The following TAS2R1 variants were observed in gnomAD, a reference collection of about 807,000 sequenced individuals.
TAS2R1 encodes taste 2 receptor member 1, also known as taste receptor type 2 member 1.
For missense variants in TAS2R1, 370 were observed against 353.4 expected, an observed-to-expected ratio of 1.05 and a Z score of -0.38; for synonymous variants, 141 against 134.2, an observed-to-expected ratio of 1.05 and a Z score of -0.35.
Position 9,628,922 on chromosome 5 carries a change from T to C in TAS2R1, c.*211A>G. On this transcript the variant is annotated 3_prime_UTR_variant, in exon 1 of 1. Coordinates refer to ENST00000382492, the MANE Select transcript of TAS2R1 (RefSeq NM_019599.3). ...ATCACTACCAGGATATTGAAATTGA[T>C]GTAATCCATCAACATATGTTGTGCT... 2.3e-6 allele frequency: 1 copy of C among 443,344 alleles called. No individual in the cohort carries two copies. The highest frequency in any genetic ancestry group is 5.8e-4 in the Middle Eastern group (1 of 1,738). 27.5% of individuals were successfully genotyped at this position (443,344 alleles called of 1,614,324 possible).
At chr5:9,653,889 A>G (rs1288994499) in intron 2 of TAS2R1, among the ~76,000 whole-genome samples, 2 of 152,170 alleles carry the variant, frequency 1.3e-5, no homozygotes, top group African/African-American at 4.8e-5. Context: ...CTTTTTGGTT[A>G]CAAGTGATTT....
At chr5:9,666,590 T>C (rs1024843199) in intron 1 of TAS2R1, among the ~76,000 whole-genome samples, 1 of 152,088 alleles carries the variant, frequency 6.6e-6, no homozygotes, top group African/African-American at 2.4e-5. Flanking sequence ...AGTAAAATCA[T>C]AGCAGTGAGT....
the TAS2R1 span, among the ~76,000 whole-genome samples, chr5:9,736,915 G>T: frequency 6.6e-6 from 1 of 152,148 alleles, no homozygotes; most frequent in Non-Finnish European, 1.5e-5. Flanking sequence ...GTCATAGTTA[G>T]AAATGCCCCC....
At chr5:9,903,146 T>C in the TAS2R1 span, among the ~76,000 whole-genome samples, 3 of 152,012 alleles carry the variant, frequency 2.0e-5, no homozygotes, top group Non-Finnish European at 4.4e-5. Context: ...CTATTGACTA[T>C]AGCCACCTTG....
the TAS2R1 span, among the ~76,000 whole-genome samples, chr5:9,895,997 T>C: frequency 6.6e-6 from 1 of 152,206 alleles, no homozygotes; most frequent in Admixed American, 6.5e-5. Context: ...CTCTAAAATT[T>C]CTATGATGAA....
intron 1 of TAS2R1, among the ~76,000 whole-genome samples, chr5:9,710,757 C>T (rs1261588798): frequency 1.3e-5 from 2 of 151,374 alleles, no homozygotes; most frequent in Non-Finnish European, 2.9e-5. Flanking sequence ...CCAAAGAATA[C>T]ATACAAATGG....
chr5:9,660,197 T>C (rs959908865), intron 1 of TAS2R1, among the ~76,000 whole-genome samples: 2 of 149,232 alleles, frequency 1.3e-5, no homozygotes, highest in African/African-American at 4.9e-5. Flanking sequence ...TAGCTGGGAC[T>C]ACAGGAGCCC....
chr5:9,865,614 C>A, the TAS2R1 span, among the ~76,000 whole-genome samples: 1 of 152,146 alleles, frequency 6.6e-6, no homozygotes. Flanking sequence ...TTTGACTTTT[C>A]TGAAAGTATT....
chr5:9,901,063 C>G, the TAS2R1 span, among the ~76,000 whole-genome samples: 3 of 152,094 alleles, frequency 2.0e-5, no homozygotes, highest in Non-Finnish European at 4.4e-5. Flanking sequence ...CCTTCACTCA[C>G]TCAGTAAATA....
At chr5:9,759,019 C>A in the TAS2R1 span, among the ~76,000 whole-genome samples, 3 of 152,160 alleles carry the variant, frequency 2.0e-5, no homozygotes, top group East Asian at 5.8e-4. Flanking sequence ...GCACAGCTTC[C>A]TTAAGTCATA....
At chr5:9,890,645 G>A in the TAS2R1 span, among the ~76,000 whole-genome samples, 1 of 152,180 alleles carries the variant, frequency 6.6e-6, no homozygotes, top group Non-Finnish European at 1.5e-5. Context: ...CAAGACTGAA[G>A]CTCTACAAAG....
chr5:9,872,387 A>C, the TAS2R1 span, among the ~76,000 whole-genome samples: 4 of 152,204 alleles, frequency 2.6e-5, no homozygotes, highest in Non-Finnish European at 5.9e-5. Flanking sequence ...ACAGCTTCTA[A>C]TTTTTATAAT....
At chr5:9,737,619 G>C in the TAS2R1 span, among the ~76,000 whole-genome samples, 1 of 152,124 alleles carries the variant, frequency 6.6e-6, no homozygotes, top group African/African-American at 2.4e-5. Context: ...CAAGGAGAGC[G>C]AGGAGCTGCC....
At chr5:9,821,072 G>C in the TAS2R1 span, among the ~76,000 whole-genome samples, 1 of 152,214 alleles carries the variant, frequency 6.6e-6, no homozygotes, top group African/African-American at 2.4e-5. Context: ...GGGAGAAAGA[G>C]AGAGACCCTT....
chr5:9,701,566 C>T (rs1318822538), intron 1 of TAS2R1, among the ~76,000 whole-genome samples: 1 of 152,116 alleles, frequency 6.6e-6, no homozygotes, highest in Non-Finnish European at 1.5e-5. Context: ...CAAGAACCAC[C>T]ATCAATAGAC....
the TAS2R1 span, among the ~76,000 whole-genome samples, chr5:9,821,439 T>C: frequency 6.6e-6 from 1 of 152,206 alleles, no homozygotes; most frequent in African/African-American, 2.4e-5. Flanking sequence ...TGATGAATCT[T>C]GTGTATTAGA....
the TAS2R1 span, among the ~76,000 whole-genome samples, chr5:9,871,777 G>A: frequency 1.3e-5 from 2 of 152,156 alleles, no homozygotes; most frequent in African/African-American, 4.8e-5. Context: ...TGAATAAGGG[G>A]CTGCACTAGT....
At chr5:9,654,160 G>A (rs1740362512) in intron 2 of TAS2R1, among the ~76,000 whole-genome samples, 1 of 152,154 alleles carries the variant, frequency 6.6e-6, no homozygotes, top group Non-Finnish European at 1.5e-5. Context: ...GAATTTCCAT[G>A]ATGCCTGAAG....
At chr5:9,853,522 T>C in the TAS2R1 span, among the ~76,000 whole-genome samples, 1 of 152,168 alleles carries the variant, frequency 6.6e-6, no homozygotes, top group Non-Finnish European at 1.5e-5. Flanking sequence ...GTGGCAATGG[T>C]AAACTGTCAT....
Sources: allele counts gnomAD v4.1 joint callset (sites outside exome capture counted in the v4.1 genomes callset), GRCh38; gene constraint gnomAD v4.1.1; transcripts MANE v1.5; gene names NCBI Gene and HGNC (gene_info 2026-07-23, HGNC 2026-07-21).